The following INPP4B variants were observed in gnomAD, a reference collection of about 807,000 sequenced individuals.
INPP4B encodes inositol polyphosphate-4-phosphatase type II B, also known as inositol polyphosphate 4-phosphatase type II.
A neutral mutation model predicts 122.5 loss-of-function variants in INPP4B; 55 were observed. The observed-to-expected ratio is 0.45, with a 90% CI of 0.36 to 0.56. The LOEUF (loss-of-function observed/expected upper bound fraction) is 0.56. INPP4B is among the 20% of genes least tolerant of loss of function. INPP4B has a pLI of 0.00. For synonymous variants in INPP4B, 403 were observed against 388.7 expected (o/e 1.04, Z -0.43); for missense variants, 1,000 against 1,097.7 (o/e 0.91, Z 1.26).
At chr4:142,490,367 G>A (rs1821728239) in intron 2 of INPP4B, among the ~76,000 whole-genome samples, 1 of 152,084 alleles carries the variant, frequency 6.6e-6, no homozygotes, top group Non-Finnish European at 1.5e-5. Flanking sequence ...GGGATTACAG[G>A]CCTGAACCAC....
intron 25 of INPP4B, among the ~76,000 whole-genome samples, chr4:142,078,592 G>A (rs1772135738): frequency 6.6e-6 from 1 of 151,826 alleles, no homozygotes; most frequent in Admixed American, 6.6e-5. Context: ...TTCTTGTGAG[G>A]GGATTTCTGA....
chr4:142,143,236 C>A (rs1348731653), intron 18 of INPP4B, among the ~76,000 whole-genome samples: 3 of 152,030 alleles, frequency 2.0e-5, no homozygotes, highest in Non-Finnish European at 4.4e-5. Context: ...ACAGGCCCAA[C>A]AGACAACTGT....
At chr4:142,828,761 A>T (rs1581010303) in intron 1 of INPP4B, among the ~76,000 whole-genome samples, 1 of 152,362 alleles carries the variant, frequency 6.6e-6, no homozygotes, top group African/African-American at 2.4e-5. Context: ...AACATAAATA[A>T]CTATGCATGA....
intron 15 of INPP4B, among the ~76,000 whole-genome samples, chr4:142,190,717 A>AGTGTGTGTGTGTGT (rs374099702): frequency 3.5e-5 from 5 of 143,896 alleles, no homozygotes; most frequent in Non-Finnish European, 7.6e-5. Flanking sequence ...GATCTGTAAG[A>AGTGTGTGTGTGTGT]GTGTGTGTGT....
intron 9 of INPP4B, among the ~76,000 whole-genome samples, chr4:142,298,082 A>G (rs544789068): frequency 9.9e-5 from 15 of 152,072 alleles, no homozygotes; most frequent in Non-Finnish European, 2.2e-4. Flanking sequence ...ACTACCTCAC[A>G]TGCCTTCCTA....
chr4:142,687,748 C>G (rs1759574896), intron 2 of INPP4B, among the ~76,000 whole-genome samples: 2 of 152,114 alleles, frequency 1.3e-5, no homozygotes, highest in South Asian at 4.2e-4. Flanking sequence ...ATGAATGACA[C>G]AGTTGACATT....
chr4:142,174,736 C>T (rs1227115692), intron 15 of INPP4B, among the ~76,000 whole-genome samples: 3 of 151,918 alleles, frequency 2.0e-5, no homozygotes, highest in Non-Finnish European at 2.9e-5. Flanking sequence ...ATGATCCTCC[C>T]GCCTCAGCCT....
intron 9 of INPP4B, among the ~76,000 whole-genome samples, chr4:142,289,567 G>C (rs1486255009): frequency 1.3e-5 from 2 of 152,104 alleles, no homozygotes; most frequent in African/African-American, 4.8e-5. Context: ...CCCCGTGTGT[G>C]TTGTTTCCCC....
chr4:142,121,392 C>T (rs1209813006), intron 21 of INPP4B, among the ~76,000 whole-genome samples: 1 of 152,090 alleles, frequency 6.6e-6, no homozygotes, highest in East Asian at 1.9e-4. Context: ...TGAAAAGGCT[C>T]TCCCTTTTGT....
intron 2 of INPP4B, among the ~76,000 whole-genome samples, chr4:142,471,463 C>A (rs984965934): frequency 6.6e-6 from 1 of 152,204 alleles, no homozygotes; most frequent in Non-Finnish European, 1.5e-5. Context: ...GTTCACACAT[C>A]ACCAAGACGG....
chr4:142,245,421 G>A (rs1727472334), intron 11 of INPP4B, among the ~76,000 whole-genome samples: 1 of 152,158 alleles, frequency 6.6e-6, no homozygotes, highest in Admixed American at 6.6e-5. Flanking sequence ...TCCAGTTTCA[G>A]TTTTCTACAT....
At chr4:142,840,767 C>G (rs140783828) in intron 1 of INPP4B, among the ~76,000 whole-genome samples, 151 of 152,206 alleles carry the variant, frequency 9.9e-4, no homozygotes, top group Non-Finnish European at 1.8e-3. Flanking sequence ...CAATGGATGT[C>G]TTCCACAAAG....
At chr4:142,066,185 C>T (rs1462278965) in intron 25 of INPP4B, among the ~76,000 whole-genome samples, 1 of 147,072 alleles carries the variant, frequency 6.8e-6, no homozygotes, top group Non-Finnish European at 1.5e-5. Context: ...ATAATTCAAC[C>T]TTCAAGACTA....
At chr4:142,374,646 T>C (rs566572301) in intron 7 of INPP4B, among the ~76,000 whole-genome samples, 1 of 152,070 alleles carries the variant, frequency 6.6e-6, no homozygotes, top group Non-Finnish European at 1.5e-5. Flanking sequence ...TTGTTATTAA[T>C]GTTAAGAAAT....
chr4:142,448,812 AT>A (rs745426496), intron 3 of INPP4B, among the ~76,000 whole-genome samples: 15 of 152,334 alleles, frequency 9.8e-5, no homozygotes, highest in Middle Eastern at 6.8e-3. Flanking sequence ...ACATAAATAA[AT>A]AAATAAATAA....
chr4:142,271,046 C>T (rs1745560711), intron 9 of INPP4B, among the ~76,000 whole-genome samples: 1 of 151,874 alleles, frequency 6.6e-6, no homozygotes, highest in African/African-American at 2.4e-5. Flanking sequence ...TCACCACAAC[C>T]TCCACCTCCC....
chr4:142,686,678 A>T (rs1560960561), intron 2 of INPP4B, among the ~76,000 whole-genome samples: 1 of 152,140 alleles, frequency 6.6e-6, no homozygotes, highest in Admixed American at 6.6e-5. Context: ...TCTACAGTAC[A>T]AAATGCATTT....
At chr4:142,373,487 C>T (rs997226749) in intron 7 of INPP4B, among the ~76,000 whole-genome samples, 7 of 151,942 alleles carry the variant, frequency 4.6e-5, no homozygotes, top group Non-Finnish European at 7.4e-5. Flanking sequence ...GCACAGACTC[C>T]GAAGCTAAAT....
At chr4:142,575,369 A>C (rs563174123) in intron 2 of INPP4B, among the ~76,000 whole-genome samples, 1 of 152,188 alleles carries the variant, frequency 6.6e-6, no homozygotes, top group South Asian at 2.1e-4. Flanking sequence ...ACCTGTTGTC[A>C]TTTTACAGAT....
Sources: gnomAD v4.1 joint callset for allele counts (sites outside exome capture counted in the v4.1 genomes callset) on GRCh38, gnomAD v4.1.1 for gene constraint, MANE v1.5 for transcripts, NCBI Gene and HGNC (gene_info 2026-07-23, HGNC 2026-07-21) for gene names.